The following CDC7 variants were observed in gnomAD, a reference collection of about 807,000 sequenced individuals.
CDC7 encodes the protein cell division cycle 7-related protein kinase.
In CDC7, 34 loss-of-function variants were observed where a neutral mutation model predicts 53.5. The ratio of observed to expected loss-of-function variants is 0.64; its 90% CI spans 0.48 to 0.85. The LOEUF is 0.85. Among genes scored for constraint, CDC7 ranks in the 40% least tolerant of loss-of-function variants. The pLI is 0.00. For missense variants in CDC7, 594 were observed against 679.7 expected (o/e 0.87, Z 1.40); for synonymous variants, 211 against 222.8 (o/e 0.95, Z 0.47).
chr1:91,519,492 G>T (rs1667797877), intron 10 of CDC7, among the ~76,000 whole-genome samples: 1 of 151,968 alleles, frequency 6.6e-6, no homozygotes, highest in African/African-American at 2.4e-5. Context: ...ATGCTTGAGG[G>T]AATGGATACC....
At chr1:91,510,335 G>A (rs541875681) in intron 4 of CDC7, among the ~76,000 whole-genome samples, 17 of 150,808 alleles carry the variant, frequency 1.1e-4, no homozygotes, top group Middle Eastern at 3.5e-3. Flanking sequence ...AGCCCTTATC[G>A]TATTCTGTCA....
intron 4 of CDC7, 140 bp downstream of exon 4, chr1:91,508,537 C>T (rs1667108824): frequency 1.6e-6 from 1 of 612,666 alleles, no homozygotes; most frequent in Non-Finnish European, 2.7e-6. Context: ...TAGCACTTTC[C>T]TTCTAACCTT....
chr1:91,512,636 T>C (rs1667345052), intron 6 of CDC7, among the ~76,000 whole-genome samples: 1 of 152,094 alleles, frequency 6.6e-6, no homozygotes, highest in African/African-American at 2.4e-5. Context: ...TATAACTTCT[T>C]TTTTGAGCTT....
rs368287951 is a variant in CDC7 at position 91,510,959 on chromosome 1, T to C, written c.336-638T>C. ...TTTCTTTTCTCGCTATTAATTTTCATGTCTGTAGGTATCACTTCTCTGCAG... is the reference window on the plus strand; with the variant it reads ...TTTCTTTTCTCGCTATTAATTTTCACGTCTGTAGGTATCACTTCTCTGCAG... On this transcript the variant is annotated intron_variant, in intron 4 of 11. Coordinates refer to ENST00000234626, the MANE Select transcript of CDC7 (RefSeq NM_003503.4). 2.7e-4 allele frequency among the ~76,000 whole-genome samples: 41 copies of C among 152,310 alleles called. 1 individual carries two copies. The highest frequency in any genetic ancestry group is 9.1e-4 in the African/African-American group (38 of 41,594).
intron 6 of CDC7, among the ~76,000 whole-genome samples, chr1:91,512,250 C>A (rs1667325319): frequency 2.0e-5 from 3 of 152,022 alleles, no homozygotes; most frequent in Admixed American, 2.0e-4. Flanking sequence ...TAACATACTG[C>A]AATAGCCATG....
Position 91,502,083 on chromosome 1 carries a change from T to G in CDC7, c.115+252T>G, listed in dbSNP as rs75316566. Among the ~76,000 whole-genome samples the G allele has an allele frequency of 1.3e-3, 194 of 152,340 alleles. 2 individuals carry two copies. The East Asian group carries it at 0.03, about 23-fold the overall frequency. ...ATTGGTAATTAAGAATGCAGAAATT[T>G]GATGATGCCCAAATTAAATTTCTCT... On this transcript the variant is annotated intron_variant, in intron 2 of 11. Coordinates refer to ENST00000234626, the MANE Select transcript of CDC7 (RefSeq NM_003503.4).
At chr1:91,508,495 A>G in intron 4 of CDC7, 98 bp downstream of exon 4, 1 of 942,170 alleles carries the variant, frequency 1.1e-6, no homozygotes. Context: ...TGTGAATTAA[A>G]TACATTTTTC....
intron 9 of CDC7, among the ~76,000 whole-genome samples, chr1:91,515,540 C>T (rs1295027341): frequency 6.6e-6 from 1 of 151,922 alleles, no homozygotes; most frequent in Non-Finnish European, 1.5e-5. Flanking sequence ...TCTTATTATC[C>T]ACTACTGCTT....
Position 91,519,035 on chromosome 1 carries a change from TG to T in CDC7, c.1181-1092del, listed in dbSNP as rs1367649882. Reference sequence around the variant, plus strand: ...GAGATCACACTACCACACTCTAGCCTGGGTAACAGAGCCAGACCCCATCTCG... The same window carrying T: ...GAGATCACACTACCACACTCTAGCCTGGTAACAGAGCCAGACCCCATCTCG... On this transcript the variant is annotated intron_variant, in intron 10 of 11. Coordinates refer to ENST00000234626, the MANE Select transcript of CDC7 (RefSeq NM_003503.4). Among the ~76,000 whole-genome samples, 3 of 142,726 alleles carry T rather than the reference TG, an allele frequency of 2.1e-5. No individual in the cohort carries two copies. In the East Asian group the frequency reaches 6.1e-4, roughly 29 times the overall value. 93.6% of individuals were successfully genotyped at this position (142,726 alleles called of 152,430 possible).
chr1:91,508,170 C>A, intron 3 of CDC7, 92 bp from the exon 4 acceptor site: 1 of 953,856 alleles, frequency 1.0e-6, no homozygotes, highest in Non-Finnish European at 1.5e-6. Context: ...ATGTATTATG[C>A]CATTGAAACA....
intron 2 of CDC7, among the ~76,000 whole-genome samples, chr1:91,507,323 A>G (rs1667044329): frequency 6.6e-6 from 1 of 152,244 alleles, no homozygotes. Context: ...ATCTGCAGTC[A>G]AGGATAGAGG....
rs483532 is a variant in CDC7, at chr1:91,514,890, A to C, written c.990A>C (p.Thr330=). The part of the protein sequence containing the change: ...KLATKKKAIS[T]KVMNSAVMRK... ...CAACAAAAAAGAAGGCTATTTCTAC[A>C]AAAGTTATGAATAGTGCTGTGATGA... is the stretch of plus-strand genomic sequence containing the variant. The change falls in exon 9 of 12, where the codon ACA becomes ACC. Residue 330 remains threonine (T), a synonymous_variant. Transcript: ENST00000234626. The C allele has an allele frequency of 1.2e-6, 2 of 1,613,344 alleles. No individual in the cohort carries two copies. Among genetic ancestry groups the C allele is most frequent in the Non-Finnish European group, 8.5e-7 (1 of 1,179,560 alleles).
chr1:91,522,091 G>T (rs1444756584), intron 11 of CDC7, among the ~76,000 whole-genome samples: 1 of 152,130 alleles, frequency 6.6e-6, no homozygotes, highest in East Asian at 1.9e-4. Flanking sequence ...GCTGAACCTG[G>T]GAGATGGAGG....
chr1:91,508,008 G>A, intron 3 of CDC7, 71 bp downstream of exon 3: 1 of 1,246,932 alleles, frequency 8.0e-7, no homozygotes, highest in South Asian at 1.5e-5. Context: ...TTTTAGTCTT[G>A]GTTTTCATTA....
chr1:91,501,316 AGTTCTT>A, intron 1 of CDC7: 1 of 184,898 alleles, frequency 5.4e-6, no homozygotes, highest in Non-Finnish European at 1.1e-5. Context: ...TTTCTCCCTC[AGTTCTT>A]TTCCTGACTT....
Position 91,515,895 on chromosome 1 carries a change from AC to A in CDC7, c.1180+20del, listed in dbSNP as rs753599912. On this transcript the variant is annotated intron_variant, in intron 10 of 11. Coordinates refer to ENST00000234626, the MANE Select transcript of CDC7 (RefSeq NM_003503.4). ...ACTACAGGTATGTTGTACTGGAAAT[AC>A]AGAACCTAGTTAAAATGGATTGTTC... The A allele has an allele frequency of 6.4e-7, 1 of 1,573,718 alleles. No homozygotes were observed. Among genetic ancestry groups the A allele is most frequent in the Non-Finnish European group, 8.7e-7 (1 of 1,143,594 alleles).
Position 91,514,971 on chromosome 1 carries a change from T to C in CDC7, c.1071T>C (p.Asp357=). ...TGACCTGTGACTGCTATGCAACAGA[T>C]AAAGTTTGTAGTATTTGCCTTTCAA... is the stretch of plus-strand genomic sequence containing the variant. ...ASLTCDCYAT[D]KVCSICLSRR... is the part of the protein sequence containing the mutation. Residue 357 remains aspartate (D), a synonymous_variant, in exon 9 of 12, where the codon GAT becomes GAC. Coordinates refer to ENST00000234626, the MANE Select transcript of CDC7 (RefSeq NM_003503.4). 1 of 1,612,040 alleles carries C rather than the reference T, an allele frequency of 6.2e-7. No homozygotes were observed. The highest frequency in any genetic ancestry group is 8.5e-7 in the Non-Finnish European group (1 of 1,179,380).
In CDC7 at chr1:91,520,198, G is replaced by T. The variant is rs1387115199; in HGVS notation, c.1249G>T (p.Ala417Ser). 4.3e-6 allele frequency: 7 copies of T among 1,610,056 alleles called. No homozygotes were observed. Among genetic ancestry groups the T allele is most frequent in the Non-Finnish European group, 5.1e-6 (6 of 1,178,016 alleles). Reference sequence around the variant, plus strand: ...TAGTGGACGATATCCATTTTATAAAGCAAGTGATGATTTAACTGCTTTGGC... The same window carrying T: ...TAGTGGACGATATCCATTTTATAAATCAAGTGATGATTTAACTGCTTTGGC... Reference protein sequence around the residue: ...LLSGRYPFYKASDDLTALAQI... With the variant: ...LLSGRYPFYKSSDDLTALAQI... The change falls in exon 11 of 12, where the codon GCA becomes TCA. Residue 417 changes from alanine (A) to serine (S), a missense_variant. Ala to Ser is a moderately conservative substitution (Grantham distance 99, BLOSUM62 1). Coordinates refer to ENST00000234626, the MANE Select transcript of CDC7 (RefSeq NM_003503.4).
chr1:91,502,579 A>G (rs1290331260), intron 2 of CDC7, among the ~76,000 whole-genome samples: 1 of 152,214 alleles, frequency 6.6e-6, no homozygotes, highest in Non-Finnish European at 1.5e-5. Context: ...CTAGAAAAAT[A>G]TGACATCACA....
Sources: gnomAD v4.1 joint callset for allele counts (sites outside exome capture counted in the v4.1 genomes callset) on GRCh38, gnomAD v4.1.1 for gene constraint, MANE v1.5 for transcripts, NCBI Gene and HGNC (gene_info 2026-07-23, HGNC 2026-07-21) for gene names.